Variants in ATP2C1 observed in about 807,000 individuals in gnomAD.
The protein encoded by ATP2C1 is calcium-transporting ATPase type 2C member 1.
ATP2C1 carries 31 observed loss-of-function variants against 120.5 expected under a neutral mutation model. The observed-to-expected ratio is 0.26, with a 90% confidence interval of 0.19 to 0.35. The LOEUF (loss-of-function observed/expected upper bound fraction) is 0.35. Ranked by LOEUF, ATP2C1 falls within the 10% of genes least tolerant of loss-of-function variation. The pLI is 1.00. For synonymous variants in ATP2C1, 351 were observed against 358.7 expected (o/e 0.98, Z 0.24); for missense variants, 731 against 1,107.5 (o/e 0.66, Z 4.83).
chr3:130,969,043 T>C (rs946797922), intron 16 of ATP2C1, among the ~76,000 whole-genome samples: 2 of 152,214 alleles, frequency 1.3e-5, no homozygotes, highest in South Asian at 4.1e-4. Context: ...ACAGTGTGTA[T>C]GGGAGGTTTA....
chr3:130,971,674 G>C (rs1364586102), intron 17 of ATP2C1, among the ~76,000 whole-genome samples: 1 of 152,130 alleles, frequency 6.6e-6, no homozygotes, highest in Non-Finnish European at 1.5e-5. Context: ...AAGGCATAAG[G>C]CTAAAAATAG....
chr3:130,945,629 C>T (rs1215914351), intron 8 of ATP2C1, among the ~76,000 whole-genome samples: 2 of 150,430 alleles, frequency 1.3e-5, no homozygotes, highest in Admixed American at 1.3e-4. Flanking sequence ...GGTTTTGGGT[C>T]CTTGTGATAG....
chr3:130,948,524 T>G (rs938645082), intron 8 of ATP2C1, among the ~76,000 whole-genome samples: 1 of 152,162 alleles, frequency 6.6e-6, no homozygotes, highest in African/African-American at 2.4e-5. Context: ...TGGATATCTT[T>G]GAGTTTATTA....
intron 24 of ATP2C1, 129 bp from the exon 25 acceptor site, chr3:130,997,477 A>G: frequency 1.2e-6 from 1 of 846,950 alleles, no homozygotes; most frequent in South Asian, 1.6e-5. Flanking sequence ...CCAGCGTTTT[A>G]TGATGCAACA....
chr3:131,012,264 T>C (rs1424897617), intron 26 of ATP2C1, among the ~76,000 whole-genome samples: 4 of 147,654 alleles, frequency 2.7e-5, no homozygotes, highest in Admixed American at 6.7e-5. Context: ...TTTTTTCTTT[T>C]TTTTTTTTTT....
intron 1 of ATP2C1, among the ~76,000 whole-genome samples, chr3:130,877,585 T>A (rs1031965436): frequency 1.3e-5 from 2 of 151,634 alleles, no homozygotes; most frequent in African/African-American, 4.9e-5. Flanking sequence ...AAAACCACAA[T>A]GAGATACCAT....
intron 2 of ATP2C1, chr3:130,930,014 T>G: frequency 3.0e-6 from 1 of 332,290 alleles, no homozygotes; most frequent in Non-Finnish European, 5.8e-6. Context: ...CTAAGAGGAG[T>G]AGTTAAAATG....
chr3:130,993,549 T>G (rs1419076709), intron 21 of ATP2C1, among the ~76,000 whole-genome samples: 1 of 152,216 alleles, frequency 6.6e-6, no homozygotes, highest in African/African-American at 2.4e-5. Flanking sequence ...CCATATGTTA[T>G]TGAATGTTTA....
chr3:130,998,446 T>G (rs2062732665), intron 26 of ATP2C1, 57 bp downstream of exon 26: 1 of 1,280,650 alleles, frequency 7.8e-7, no homozygotes, highest in Non-Finnish European at 1.1e-6. Context: ...GTAGAGTGCT[T>G]TCTAATAAGT....
At chr3:130,946,379 AG>A (rs761581142) in intron 8 of ATP2C1, among the ~76,000 whole-genome samples, 3 of 152,206 alleles carry the variant, frequency 2.0e-5, no homozygotes, top group East Asian at 3.8e-4. Context: ...TGGTGTTTTC[AG>A]GGCTTGTTCC....
rs140365073 is a variant in ATP2C1 at position 130,858,369 on chromosome 3, G to T, written c.108+7441G>T. On this transcript the variant is annotated intron_variant, in intron 1 of 26. Transcript: ENST00000504381. ...ATGCAAGTTTCCCTGCTACTTCCTG[G>T]CTAGGGCATCTGTTCCAATAATCAT... is the stretch of plus-strand genomic sequence containing the variant. 3.6e-3 allele frequency among the ~76,000 whole-genome samples: 554 copies of T among 152,244 alleles called. 3 individuals are homozygous for T. The highest frequency in any genetic ancestry group is 0.013 in the African/African-American group (523 of 41,538).
intron 14 of ATP2C1, among the ~76,000 whole-genome samples, chr3:130,965,955 A>G (rs2061031522): frequency 6.6e-6 from 1 of 152,174 alleles, no homozygotes; most frequent in Admixed American, 6.6e-5. Context: ...ATATTGATAC[A>G]TTGTCTCTTA....
At chr3:130,968,228 A>G (rs939962439) in intron 16 of ATP2C1, among the ~76,000 whole-genome samples, 3 of 152,218 alleles carry the variant, frequency 2.0e-5, no homozygotes, top group Non-Finnish European at 2.9e-5. Flanking sequence ...CTAAAACAGC[A>G]TAGTACTCAA....
chr3:130,969,434 G>C, intron 17 of ATP2C1, 38 bp downstream of exon 17: 5 of 1,511,038 alleles, frequency 3.3e-6, no homozygotes, highest in Non-Finnish European at 4.6e-6. Context: ...TTCCTGTTTA[G>C]CTTAGATGAC....
intron 2 of ATP2C1, among the ~76,000 whole-genome samples, chr3:130,905,055 G>A (rs764987136): frequency 6.6e-6 from 1 of 151,878 alleles, no homozygotes; most frequent in Non-Finnish European, 1.5e-5. Flanking sequence ...TGTTCTGGGT[G>A]TATCTTGTAT....
intron 26 of ATP2C1, among the ~76,000 whole-genome samples, chr3:131,009,446 G>T (rs1164338671): frequency 6.6e-6 from 1 of 152,208 alleles, no homozygotes; most frequent in African/African-American, 2.4e-5. Context: ...GATTGCATGT[G>T]CATTGTAGCA....
chr3:130,894,026 G>A (rs911793295), upstream of ATP2C1: 2 of 986,552 alleles, frequency 2.0e-6, no homozygotes, highest in Non-Finnish European at 2.4e-6. This position sits in a 1 kb window ranked among gnomAD's most constrained non-coding sequence, Gnocchi z 4.5. Flanking sequence ...GGAGTGCGGG[G>A]CGCGACTGGG....
intron 2 of ATP2C1, chr3:130,919,099 C>T: frequency 2.3e-6 from 1 of 427,088 alleles, no homozygotes; most frequent in South Asian, 1.9e-5. Context: ...ACACTTGTTT[C>T]CACCTCTCCA....
chr3:131,000,415 A>G (rs572285724), intron 27 of ATP2C1, among the ~76,000 whole-genome samples: 1 of 152,208 alleles, frequency 6.6e-6, no homozygotes, highest in Admixed American at 6.5e-5. Flanking sequence ...TTAAGGAAAC[A>G]TCTGCAATTT....
Sources: gnomAD v4.1 joint callset for allele counts (sites outside exome capture counted in the v4.1 genomes callset) on GRCh38, gnomAD v4.1.1 for gene constraint, Gnocchi (gnomAD v3.1) non-coding constraint, MANE v1.5 for transcripts, NCBI Gene and HGNC (gene_info 2026-07-23, HGNC 2026-07-21) for gene names.